The following COP1 variants were observed in gnomAD, a reference collection of about 807,000 sequenced individuals.
COP1 encodes E3 ubiquitin-protein ligase COP1.
COP1 carries 24 observed loss-of-function variants against 101.3 expected under a neutral mutation model. The ratio of observed to expected loss-of-function variants is 0.24; its 90% confidence interval spans 0.17 to 0.33. COP1 has a LOEUF of 0.33. Ranked by LOEUF, COP1 falls within the 10% of genes least tolerant of loss-of-function variation. The pLI is 1.00. For missense variants in COP1, 663 were observed against 906.2 expected, an observed-to-expected ratio of 0.73 and a Z score of 3.45; for synonymous variants, 347 against 341.9, an observed-to-expected ratio of 1.01 and a Z score of -0.17.
At chr1:176,028,566 AAATC>A (rs1229522802) in intron 14 of COP1, among the ~76,000 whole-genome samples, 7 of 150,634 alleles carry the variant, frequency 4.6e-5, no homozygotes, top group Admixed American at 4.6e-4. Context: ...AAAAAAAGAA[AAATC>A]AATAAAAAGG....
chr1:176,125,393 C>A (rs1368469385), intron 8 of COP1, among the ~76,000 whole-genome samples: 1 of 152,068 alleles, frequency 6.6e-6, no homozygotes, highest in Non-Finnish European at 1.5e-5. Flanking sequence ...GTCTTTAATC[C>A]ACTTTGATGT....
intron 10 of COP1, among the ~76,000 whole-genome samples, chr1:176,084,199 T>C (rs1679695787): frequency 6.6e-6 from 1 of 152,144 alleles, no homozygotes; most frequent in Non-Finnish European, 1.5e-5. Context: ...AGAATGCAGG[T>C]ATTGGGCTAC....
intron 9 of COP1, among the ~76,000 whole-genome samples, chr1:176,108,580 G>GCA (rs1457096687): frequency 2.0e-5 from 3 of 151,792 alleles, no homozygotes; most frequent in Non-Finnish European, 4.4e-5. Context: ...TCCCCAATAT[G>GCA]CACATGGTTG....
chr1:175,994,108 G>T (rs1361617686), intron 15 of COP1, among the ~76,000 whole-genome samples: 1 of 152,168 alleles, frequency 6.6e-6, no homozygotes, highest in Non-Finnish European at 1.5e-5. Context: ...CTAAAGAAAA[G>T]AATTTTCAAC....
At chr1:176,134,871 A>T in intron 8 of COP1, 139 bp downstream of exon 8, 1 of 559,360 alleles carries the variant, frequency 1.8e-6, no homozygotes, top group Non-Finnish European at 3.2e-6. Flanking sequence ...GATGGGCCAT[A>T]TGAATATCAT....
chr1:176,126,704 G>A (rs936587771), intron 8 of COP1, among the ~76,000 whole-genome samples: 2 of 152,008 alleles, frequency 1.3e-5, no homozygotes, highest in South Asian at 2.1e-4. Context: ...CGCCAGCCTC[G>A]GCCTCCCAAA....
At chr1:175,958,077 T>A (rs888679200) in intron 18 of COP1, among the ~76,000 whole-genome samples, 1 of 152,134 alleles carries the variant, frequency 6.6e-6, no homozygotes, top group Non-Finnish European at 1.5e-5. Context: ...ATGAAAATGT[T>A]GTTATAACTG....
intron 9 of COP1, among the ~76,000 whole-genome samples, chr1:176,107,950 T>A (rs1684600878): frequency 6.6e-6 from 1 of 151,744 alleles, no homozygotes; most frequent in South Asian, 2.1e-4. Context: ...TGTCATAAAC[T>A]GAAGAACTGT....
At chr1:176,137,933 G>T (rs535315850) in intron 6 of COP1, among the ~76,000 whole-genome samples, 1 of 152,132 alleles carries the variant, frequency 6.6e-6, no homozygotes, top group Non-Finnish European at 1.5e-5. Context: ...CAGTCTAGGG[G>T]AGATGGCAAA....
intron 11 of COP1, among the ~76,000 whole-genome samples, chr1:176,058,535 T>C (rs1456482909): frequency 2.6e-5 from 4 of 152,160 alleles, no homozygotes; most frequent in Admixed American, 2.0e-4. Flanking sequence ...AAGATGTGCT[T>C]TGTTAAACAG....
chr1:176,154,207 T>C (rs1693093159), intron 5 of COP1, among the ~76,000 whole-genome samples: 1 of 152,176 alleles, frequency 6.6e-6, no homozygotes, highest in Non-Finnish European at 1.5e-5. Context: ...TACTTATTAC[T>C]GATTTAATTT....
intron 14 of COP1, among the ~76,000 whole-genome samples, chr1:176,041,945 C>T (rs1571871108): frequency 6.6e-6 from 1 of 152,004 alleles, no homozygotes; most frequent in Non-Finnish European, 1.5e-5. Context: ...AACCCTATCT[C>T]TACTAAAAAT....
chr1:175,956,610 T>C (rs1227236139), intron 18 of COP1, among the ~76,000 whole-genome samples: 1 of 152,100 alleles, frequency 6.6e-6, no homozygotes, highest in Non-Finnish European at 1.5e-5. Context: ...GGCAAAAATA[T>C]GTAACAAATG....
At chr1:175,970,741 T>C (rs959417617) in intron 18 of COP1, among the ~76,000 whole-genome samples, 1 of 152,170 alleles carries the variant, frequency 6.6e-6, no homozygotes, top group Non-Finnish European at 1.5e-5. Context: ...TGAAGTGAAA[T>C]AGATTAAATA....
intron 14 of COP1, among the ~76,000 whole-genome samples, chr1:176,038,817 CAA>C (rs57682179): frequency 1.3e-3 from 174 of 133,688 alleles, no homozygotes; most frequent in Non-Finnish European, 1.7e-3. Flanking sequence ...GACTCCATCT[CAA>C]AAAAAAAAAA....
At chr1:176,042,559 T>C (rs1410706024) in intron 14 of COP1, among the ~76,000 whole-genome samples, 4 of 122,926 alleles carry the variant, frequency 3.3e-5, no homozygotes, top group Admixed American at 2.6e-4. Context: ...CGAGAATCCG[T>C]CTCAAAAAAA....
At chr1:176,085,295 A>G (rs1423263703) in intron 10 of COP1, among the ~76,000 whole-genome samples, 22 of 151,730 alleles carry the variant, frequency 1.4e-4, no homozygotes, top group Admixed American at 1.4e-3. Context: ...AGTGGATATT[A>G]TTATCTATTC....
intron 1 of COP1, among the ~76,000 whole-genome samples, chr1:176,196,877 T>C (rs1390967171): frequency 1.6e-5 from 2 of 123,480 alleles, no homozygotes; most frequent in Admixed American, 9.7e-5. Flanking sequence ...CTCCTGTCTC[T>C]ACGCAAAAAA....
intron 8 of COP1, among the ~76,000 whole-genome samples, chr1:176,123,070 A>T (rs987372736): frequency 3.3e-5 from 5 of 152,228 alleles, no homozygotes; most frequent in Non-Finnish European, 7.3e-5. Context: ...CTTTCCAACA[A>T]GTTGGAGTAG....
Sources: allele counts gnomAD v4.1 joint callset (sites outside exome capture counted in the v4.1 genomes callset), GRCh38; gene constraint gnomAD v4.1.1; transcripts MANE v1.5; gene names NCBI Gene and HGNC (gene_info 2026-07-23, HGNC 2026-07-21).